MGAT5: variants seen among roughly 807,000 people sequenced by gnomAD.
MGAT5 encodes alpha-1,6-mannosylglycoprotein 6-beta-N-acetylglucosaminyltransferase A.
In MGAT5, 30 loss-of-function variants were observed where a neutral mutation model predicts 94.3. That is an observed-to-expected ratio of 0.32 (90% CI 0.24 to 0.43). The LOEUF is 0.43. Among genes scored for constraint, MGAT5 ranks in the 20% least tolerant of loss-of-function variants. MGAT5 has a pLI of 1.00. For missense variants in MGAT5, 691 were observed against 905.5 expected, an observed-to-expected ratio of 0.76 and a Z score of 3.04; for synonymous variants, 310 against 322.9, an observed-to-expected ratio of 0.96 and a Z score of 0.43.
intron 4 of MGAT5, among the ~76,000 whole-genome samples, chr2:134,320,372 ATT>A (rs5834405): frequency 2.0e-5 from 3 of 147,792 alleles, no homozygotes; most frequent in African/African-American, 2.5e-5. Flanking sequence ...CAGCTTTTGT[ATT>A]TTTTTTTTTA....
At chr2:134,281,827 A>AGTGT (rs1684715758) in intron 2 of MGAT5, among the ~76,000 whole-genome samples, 2 of 152,378 alleles carry the variant, frequency 1.3e-5, no homozygotes, top group Admixed American at 1.3e-4. Flanking sequence ...GCTTTCATTA[A>AGTGT]GTGTGGTTAA....
At chr2:134,334,395 C>T (rs1346305325) in intron 4 of MGAT5, among the ~76,000 whole-genome samples, 9 of 151,302 alleles carry the variant, frequency 5.9e-5, no homozygotes, top group Admixed American at 5.9e-4. Flanking sequence ...CTTTCCCCAT[C>T]ATGCTATTCC....
rs113032268 is a variant in MGAT5, at chr2:134,194,601, AG to A, written c.-142-59656del. ...GCTCACACTCTAGGAAACAGATGAT[AG>A]GGGGTGTTTAGAGTCCTTGAGTTTT... On this transcript the variant is annotated intron_variant, in intron 1 of 16. Coordinates refer to the MGAT5 transcript ENST00000409645. 6.5e-3 allele frequency among the ~76,000 whole-genome samples: 991 copies of A among 152,282 alleles called. 11 individuals carry two copies. Among genetic ancestry groups the A allele is most frequent in the African/African-American group, 0.022 (918 of 41,548 alleles).
At chr2:134,355,699 T>C (rs1679689550) in intron 9 of MGAT5, among the ~76,000 whole-genome samples, 1 of 152,244 alleles carries the variant, frequency 6.6e-6, no homozygotes, top group African/African-American at 2.4e-5. Context: ...CTAAAATTGA[T>C]GACTTGCACT....
At chr2:134,277,196 T>G (rs1684432255) in intron 2 of MGAT5, among the ~76,000 whole-genome samples, 1 of 152,164 alleles carries the variant, frequency 6.6e-6, no homozygotes, top group South Asian at 2.1e-4. Flanking sequence ...TTTCTTAGCC[T>G]TCCTCTGGCT....
chr2:134,438,664 C>T (rs752523854), intron 14 of MGAT5, among the ~76,000 whole-genome samples: 12 of 152,144 alleles, frequency 7.9e-5, no homozygotes, highest in African/African-American at 1.9e-4. Flanking sequence ...AGTTACGTTG[C>T]GACCCATGGC....
intron 2 of MGAT5, among the ~76,000 whole-genome samples, chr2:134,275,004 A>G (rs571682527): frequency 3.6e-4 from 55 of 152,270 alleles, no homozygotes; most frequent in African/African-American, 1.3e-3. Flanking sequence ...TGGAAGTGCA[A>G]TTTCCCCCTC....
At chr2:134,153,990 CTATTT>C (rs780607144) in intron 1 of MGAT5, among the ~76,000 whole-genome samples, 15 of 152,194 alleles carry the variant, frequency 9.9e-5, no homozygotes, top group South Asian at 8.3e-4. Flanking sequence ...TTCTTATGCC[CTATTT>C]TATTTTATTT....
At chr2:134,360,555 T>G (rs763320023) in intron 9 of MGAT5, among the ~76,000 whole-genome samples, 1 of 111,552 alleles carries the variant, frequency 9.0e-6, no homozygotes, top group Non-Finnish European at 2.3e-5. Context: ...AAAAAAAATT[T>G]AAAAACACCT....
At chr2:134,418,805 G>A (rs1004721852) in intron 12 of MGAT5, among the ~76,000 whole-genome samples, 5 of 152,182 alleles carry the variant, frequency 3.3e-5, no homozygotes, top group African/African-American at 1.2e-4. Flanking sequence ...CCCCAAGAAG[G>A]TCAGTTTGCT....
intron 10 of MGAT5, among the ~76,000 whole-genome samples, chr2:134,387,332 A>ATTTTTTT (rs35936767): frequency 4.1e-4 from 10 of 24,260 alleles, no homozygotes; most frequent in African/African-American, 1.0e-3. Flanking sequence ...ATATATATAT[A>ATTTTTTT]TTTTTTTTTT....
chr2:134,382,148 G>A (rs913868164), intron 10 of MGAT5, among the ~76,000 whole-genome samples: 2 of 152,044 alleles, frequency 1.3e-5, no homozygotes, highest in Non-Finnish European at 2.9e-5. Context: ...CCAGCACGTT[G>A]GGAGGCCAAA....
chr2:134,357,137 A>G (rs1386078528), intron 9 of MGAT5, among the ~76,000 whole-genome samples: 1 of 152,218 alleles, frequency 6.6e-6, no homozygotes, highest in Non-Finnish European at 1.5e-5. Flanking sequence ...GATAGAATTA[A>G]ACTAGAATGA....
At chr2:134,359,672 A>G (rs529153310) in intron 9 of MGAT5, among the ~76,000 whole-genome samples, 4 of 152,326 alleles carry the variant, frequency 2.6e-5, no homozygotes, top group South Asian at 4.1e-4. Context: ...TCCCAACACA[A>G]TGAAAGTCTC....
intron 10 of MGAT5, among the ~76,000 whole-genome samples, chr2:134,398,968 T>G (rs947519857): frequency 1.3e-5 from 2 of 152,192 alleles, no homozygotes; most frequent in African/African-American, 4.8e-5. Context: ...TAAAGGTGGA[T>G]AGAAGGAATA....
intron 1 of MGAT5, among the ~76,000 whole-genome samples, chr2:134,187,015 G>A (rs1284361939): frequency 6.6e-6 from 1 of 152,192 alleles, no homozygotes; most frequent in East Asian, 1.9e-4. Flanking sequence ...CCAAGGTGAA[G>A]AAAGTTCCGT....
In MGAT5 at chr2:134,338,988, C is replaced by G. The variant is rs1243811727; in HGVS notation, c.807+568C>G. ...CCCTGTTAGCTATAGATTTGATGGT[C>G]TGGCTTTAGATTAACTGTTCTGTTC... On this transcript the variant is annotated intron_variant, in intron 6 of 15. Coordinates refer to ENST00000281923, the MANE Select transcript of MGAT5 (RefSeq NM_002410.5). Among the ~76,000 whole-genome samples the G allele has an allele frequency of 2.6e-5, 4 of 152,164 alleles. No homozygotes were observed. The South Asian group carries it at 8.3e-4, about 32-fold the overall frequency.
intron 1 of MGAT5, among the ~76,000 whole-genome samples, chr2:134,142,380 G>A (rs146154747): frequency 1.3e-5 from 2 of 152,236 alleles, no homozygotes; most frequent in African/African-American, 4.8e-5. Context: ...GGCCCCGCCT[G>A]AGTGGAGCAG....
At chr2:134,423,058 C>G in intron 13 of MGAT5, 139 bp downstream of exon 13, 1 of 618,286 alleles carries the variant, frequency 1.6e-6, no homozygotes, top group South Asian at 1.9e-5. Flanking sequence ...AACCAAGCTG[C>G]AGGATTTGGC....
Sources: allele counts gnomAD v4.1 joint callset (sites outside exome capture counted in the v4.1 genomes callset), GRCh38; gene constraint gnomAD v4.1.1; transcripts MANE v1.5; gene names NCBI Gene and HGNC (gene_info 2026-07-23, HGNC 2026-07-21).